Variants in CSMD1 observed in about 807,000 individuals in gnomAD.
CSMD1 encodes CUB and Sushi multiple domains 1.
Under a neutral mutation model 417.5 loss-of-function variants are expected in CSMD1, and 213 were observed. The ratio of observed to expected loss-of-function variants is 0.51; its 90% CI spans 0.46 to 0.57. The LOEUF is 0.57. CSMD1 is among the 20% of genes least tolerant of loss of function. The probability of loss-of-function intolerance (pLI) is 0.00; values close to 1 mark genes in which losing one functional copy is unlikely to be tolerated. For synonymous variants in CSMD1, 2,862 were observed against 1,736.8 expected, an observed-to-expected ratio of 1.65 and a Z score of -16.11; for missense variants, 6,923 against 4,529.7, an observed-to-expected ratio of 1.53 and a Z score of -15.17.
intron 1 of CSMD1, among the ~76,000 whole-genome samples, chr8:4,660,759 A>T (rs1205408955): frequency 6.6e-6 from 1 of 152,120 alleles, no homozygotes; most frequent in Non-Finnish European, 1.5e-5. Context: ...ATCTATAAAG[A>T]ACTCTCAAAA....
chr8:4,855,082 G>A (rs1801713038), intron 1 of CSMD1, among the ~76,000 whole-genome samples: 2 of 152,042 alleles, frequency 1.3e-5, no homozygotes, highest in African/African-American at 4.8e-5. Flanking sequence ...CGGGCAGACT[G>A]CCTCCTCAAG....
intron 3 of CSMD1, among the ~76,000 whole-genome samples, chr8:4,362,694 G>C (rs1454599151): frequency 6.6e-6 from 1 of 152,232 alleles, no homozygotes; most frequent in East Asian, 1.9e-4. Context: ...TGGGATGACT[G>C]ATAAGATTTG....
At chr8:4,179,187 G>T (rs1406736124) in intron 3 of CSMD1, among the ~76,000 whole-genome samples, 1 of 152,048 alleles carries the variant, frequency 6.6e-6, no homozygotes, top group African/African-American at 2.4e-5. Flanking sequence ...ATACTACAAG[G>T]CTACAGAAAC....
intron 1 of CSMD1, among the ~76,000 whole-genome samples, chr8:4,929,030 C>G (rs1393758668): frequency 6.6e-6 from 1 of 152,140 alleles, no homozygotes. Flanking sequence ...GAGATTGCAC[C>G]ACTGCATTCC....
intron 1 of CSMD1, among the ~76,000 whole-genome samples, chr8:4,662,418 T>C (rs762793406): frequency 1.8e-4 from 28 of 152,170 alleles, no homozygotes; most frequent in Non-Finnish European, 3.5e-4. Context: ...AAGACCACAT[T>C]GACACGCTTT....
At chr8:3,593,395 G>A (rs562482274) in intron 8 of CSMD1, among the ~76,000 whole-genome samples, 14 of 152,330 alleles carry the variant, frequency 9.2e-5, no homozygotes, top group African/African-American at 2.6e-4. Flanking sequence ...AAGCCCATGA[G>A]CCTCCCCCAG....
chr8:3,356,419 G>A (rs1808795243), intron 21 of CSMD1, among the ~76,000 whole-genome samples: 1 of 152,210 alleles, frequency 6.6e-6, no homozygotes, highest in East Asian at 1.9e-4. Context: ...GCTCACGCCT[G>A]TAATCCCAGC....
chr8:3,948,308 T>C (rs1009756588), intron 5 of CSMD1, among the ~76,000 whole-genome samples: 12 of 152,174 alleles, frequency 7.9e-5, no homozygotes, highest in Non-Finnish European at 1.8e-4. Flanking sequence ...AGTCTGCATT[T>C]GAAGAGTATA....
Position 4,327,074 on chromosome 8 carries a change from T to A in CSMD1, c.415+92879A>T, listed in dbSNP as rs569209937. On this transcript the variant is annotated intron_variant, in intron 3 of 69. Coordinates refer to ENST00000635120, the MANE Select transcript of CSMD1 (RefSeq NM_033225.6). ...TCAGAAGACGACTTCAAATAAGAGA[T>A]GAGGTTGTAGCATATTCTTGAACAG... Among the ~76,000 whole-genome samples the A allele has an allele frequency of 3.3e-5, 5 of 152,160 alleles. No homozygotes were observed. The East Asian group carries it at 9.7e-4, about 29-fold the overall frequency.
At chr8:4,980,554 G>C (rs1002745458) in intron 1 of CSMD1, among the ~76,000 whole-genome samples, 1 of 152,162 alleles carries the variant, frequency 6.6e-6, no homozygotes, top group African/African-American at 2.4e-5. Context: ...AAATCCTCTG[G>C]ACAAAAATAA....
At chr8:3,608,506 GT>G (rs1801729831) in intron 8 of CSMD1, among the ~76,000 whole-genome samples, 1 of 152,128 alleles carries the variant, frequency 6.6e-6, no homozygotes, top group Admixed American at 6.5e-5. Flanking sequence ...GCTCACGCCT[GT>G]AATCCCAGCA....
chr8:3,262,566 A>T (rs1255935344), intron 26 of CSMD1, among the ~76,000 whole-genome samples: 1 of 152,100 alleles, frequency 6.6e-6, no homozygotes, highest in Non-Finnish European at 1.5e-5. Flanking sequence ...GAAAAAATCA[A>T]AGGACAAAGA....
intron 23 of CSMD1, among the ~76,000 whole-genome samples, chr8:3,324,129 A>C (rs577906791): frequency 1.3e-5 from 2 of 148,674 alleles, no homozygotes; most frequent in African/African-American, 4.9e-5. Flanking sequence ...ATCATGGTTA[A>C]AATAGACACA....
chr8:4,075,564 A>G (rs1170702559), intron 3 of CSMD1, among the ~76,000 whole-genome samples: 1 of 152,236 alleles, frequency 6.6e-6, no homozygotes, highest in Non-Finnish European at 1.5e-5. Flanking sequence ...AACTGGTAAA[A>G]TATTAAACGA....
chr8:3,584,020 T>G (rs570730206), intron 9 of CSMD1, among the ~76,000 whole-genome samples: 9 of 152,134 alleles, frequency 5.9e-5, no homozygotes, highest in Admixed American at 2.0e-4. Context: ...CCATCCACTA[T>G]AAAAACACCT....
rs551898164 is a variant in CSMD1, at chr8:4,115,651, T to G, written c.416-83552A>C. On this transcript the variant is annotated intron_variant, in intron 3 of 69. Coordinates refer to ENST00000635120, the MANE Select transcript of CSMD1 (RefSeq NM_033225.6). ...ACTTACCTGAATGTTTATATGTGCT[T>G]TGCCCATAATTGCTAAAATTTGGAA... Among the ~76,000 whole-genome samples, 42 of 152,330 alleles carry G rather than the reference T, an allele frequency of 2.8e-4. 1 individual carries two copies. The South Asian group carries it at 5.6e-3, about 20-fold the overall frequency.
At chr8:4,831,422 A>G (rs182866525) in intron 1 of CSMD1, among the ~76,000 whole-genome samples, 1 of 152,198 alleles carries the variant, frequency 6.6e-6, no homozygotes, top group Non-Finnish European at 1.5e-5. Flanking sequence ...AATAACTACA[A>G]ATATCCATAT....
chr8:4,529,080 G>A (rs1796666402), intron 2 of CSMD1, among the ~76,000 whole-genome samples: 1 of 152,100 alleles, frequency 6.6e-6, no homozygotes, highest in Non-Finnish European at 1.5e-5. Context: ...TTGATCAGAG[G>A]ATAAAGAACT....
At chr8:4,633,473 T>C (rs1035904841) in intron 2 of CSMD1, among the ~76,000 whole-genome samples, 1 of 151,944 alleles carries the variant, frequency 6.6e-6, no homozygotes, top group African/African-American at 2.4e-5. Context: ...ATGGTCTCGA[T>C]CTACTGACCT....
Sources: allele counts gnomAD v4.1 joint callset (sites outside exome capture counted in the v4.1 genomes callset), GRCh38; gene constraint gnomAD v4.1.1; transcripts MANE v1.5; gene names NCBI Gene and HGNC (gene_info 2026-07-23, HGNC 2026-07-21).